Variants in KRABD3 observed in about 807,000 individuals in gnomAD.
KRABD3 encodes KRAB domain containing 3.
At chr7:149,734,365 A>G in the KRABD3 span, 1 of 323,018 alleles carries the variant, frequency 3.1e-6, no homozygotes. Flanking sequence ...TGTGCCCCAC[A>G]TATGCAGGGG....
At chr7:149,723,549 C>T in the KRABD3 span, 1 of 579,506 alleles carries the variant, frequency 1.7e-6, no homozygotes, top group Non-Finnish European at 3.0e-6. Context: ...CCATGGCTTC[C>T]CTCTTTGCCC....
chr7:149,732,166 T>C, the KRABD3 span, among the ~76,000 whole-genome samples: 3 of 152,152 alleles, frequency 2.0e-5, no homozygotes, highest in African/African-American at 7.2e-5. This position sits in a 1 kb window ranked among gnomAD's most constrained non-coding sequence, Gnocchi z 4.0. Context: ...CCTGGGTCAC[T>C]TGGGGACAGC....
the KRABD3 span, chr7:149,722,800 A>G: frequency 6.2e-7 from 1 of 1,607,414 alleles, no homozygotes. Context: ...TCCTGGGAAC[A>G]GCCCCTTGCA....
the KRABD3 span, chr7:149,723,900 C>A: frequency 1.1e-5 from 17 of 1,611,954 alleles, no homozygotes; most frequent in African/African-American, 2.3e-4. Context: ...GTAAAGGCTT[C>A]TCGCTGGGCT....
the KRABD3 span, chr7:149,730,653 C>T: frequency 4.0e-3 from 6,017 of 1,488,296 alleles, 27 homozygotes; most frequent in Middle Eastern, 8.9e-3. Flanking sequence ...TCCTGCCTGT[C>T]GCTTTGCCTG....
chr7:149,729,287 C>T, the KRABD3 span: 6 of 1,602,670 alleles, frequency 3.7e-6, no homozygotes, highest in African/African-American at 6.7e-5. Context: ...GTGTTCACCT[C>T]CAGCTGCGTC....
the KRABD3 span, chr7:149,731,721 G>C: frequency 2.4e-5 from 39 of 1,612,474 alleles, no homozygotes; most frequent in Non-Finnish European, 3.3e-5. Context: ...AAAGGCCCAG[G>C]GTTAGTGAAG....
the KRABD3 span, chr7:149,725,491 A>G: frequency 6.2e-7 from 1 of 1,600,042 alleles, no homozygotes; most frequent in South Asian, 1.1e-5. Context: ...CAGTGAAGGT[A>G]GATTGTGGCC....
chr7:149,716,881 GT>G, the KRABD3 span, among the ~76,000 whole-genome samples: 1 of 152,118 alleles, frequency 6.6e-6, no homozygotes, highest in Non-Finnish European at 1.5e-5. Flanking sequence ...TATTTGTTTT[GT>G]CTTCACAATA....
chr7:149,722,896 A>G, the KRABD3 span: 1 of 1,613,108 alleles, frequency 6.2e-7, no homozygotes. Flanking sequence ...ACCTCTCCCT[A>G]GCCTGGGCAC....
chr7:149,721,218 C>G, the KRABD3 span, among the ~76,000 whole-genome samples: 1 of 152,212 alleles, frequency 6.6e-6, no homozygotes, highest in Non-Finnish European at 1.5e-5. Context: ...CTTTGTCACC[C>G]TCCACCCACC....
the KRABD3 span, chr7:149,722,244 A>C: frequency 2.9e-6 from 1 of 343,674 alleles, no homozygotes; most frequent in Admixed American, 6.5e-5. Flanking sequence ...TTCACAGTGA[A>C]CCAACAGTCT....
At chr7:149,728,551 G>T in the KRABD3 span, 1 of 1,613,702 alleles carries the variant, frequency 6.2e-7, no homozygotes, top group Non-Finnish European at 8.5e-7. Flanking sequence ...CCCCACTGCA[G>T]GGTCTGGAGA....
At chr7:149,733,137 A>C in the KRABD3 span, 1 of 1,516,534 alleles carries the variant, frequency 6.6e-7, no homozygotes, top group Non-Finnish European at 8.8e-7. Context: ...CCCTTGGTTC[A>C]TGGGACCTCT....
chr7:149,724,699 G>A, the KRABD3 span: 1 of 1,549,144 alleles, frequency 6.5e-7, no homozygotes, highest in Non-Finnish European at 8.7e-7. Context: ...TCTTGGAGCT[G>A]GCGGTCTGCT....
chr7:149,725,789 C>A, the KRABD3 span: 3 of 1,206,752 alleles, frequency 2.5e-6, no homozygotes, highest in African/African-American at 3.1e-5. Context: ...GTGGGAGATA[C>A]TTTGGGGCAG....
At chr7:149,720,763 GA>G in the KRABD3 span, 1 of 1,431,782 alleles carries the variant, frequency 7.0e-7, no homozygotes, top group Non-Finnish European at 9.4e-7. Context: ...TGCTGGGTGT[GA>G]AAACACGCAC....
the KRABD3 span, chr7:149,733,370 C>G: frequency 6.2e-7 from 1 of 1,612,062 alleles, no homozygotes; most frequent in Admixed American, 1.7e-5. Flanking sequence ...GCTGCACAGC[C>G]TCGGTGCTGC....
chr7:149,733,737 G>C, the KRABD3 span: 1 of 1,584,030 alleles, frequency 6.3e-7, no homozygotes, highest in Non-Finnish European at 8.6e-7. Context: ...GGGCTCCACT[G>C]CAGCTCTTCC....
Sources: gnomAD v4.1 joint callset for allele counts (sites outside exome capture counted in the v4.1 genomes callset) on GRCh38, gnomAD v4.1.1 for gene constraint, Gnocchi (gnomAD v3.1) non-coding constraint, MANE v1.5 for transcripts, NCBI Gene and HGNC (gene_info 2026-07-23, HGNC 2026-07-21) for gene names.